PSMC3: variants seen among roughly 807,000 people sequenced by gnomAD.
PSMC3 encodes the protein proteasome 26S subunit, ATPase 3, also known as 26S proteasome regulatory subunit 6A.
In PSMC3, 11 loss-of-function variants were observed where a neutral mutation model predicts 52.0. The observed-to-expected ratio is 0.21, with a 90% confidence interval of 0.13 to 0.35. The LOEUF (loss-of-function observed/expected upper bound fraction) is 0.35, where lower values mean the gene tolerates loss of function less well. Ranked by LOEUF, PSMC3 falls within the 10% of genes least tolerant of loss-of-function variation. The pLI is 1.00. For synonymous variants in PSMC3, 201 were observed against 218.8 expected, an observed-to-expected ratio of 0.92 and a Z score of 0.72; for missense variants, 238 against 567.1, an observed-to-expected ratio of 0.42 and a Z score of 5.89.
At chr11:47,423,806 A>G (rs1346809975) in intron 6 of PSMC3, among the ~76,000 whole-genome samples, 2 of 133,726 alleles carry the variant, frequency 1.5e-5, no homozygotes, top group African/African-American at 2.7e-5. Flanking sequence ...AAAAAAAAAA[A>G]GGACACTGGG....
chr11:47,420,445 G>A (rs2096039100), intron 9 of PSMC3, 36 bp from the exon 10 acceptor site: 1 of 1,597,652 alleles, frequency 6.3e-7, no homozygotes, highest in Admixed American at 1.7e-5. Flanking sequence ...AAGGAGCAAG[G>A]TGTTCACAGA....
intron 11 of PSMC3, 36 bp downstream of exon 11, chr11:47,419,080 C>T (rs1185015556): frequency 3.7e-6 from 6 of 1,613,232 alleles, no homozygotes; most frequent in Non-Finnish European, 5.1e-6. Context: ...GGCAAGAAGG[C>T]ACAAAGCAAC....
rs1435974402 is a variant in PSMC3, at chr11:47,426,185, C to G, written c.75+20G>C. ...CCTGCGGGCCCCGGTTCCCGGACCG[C>G]CAGCTCGCCCGGTGCCCACCTCGGC... On this transcript the variant is annotated intron_variant, in intron 1 of 11. Coordinates refer to ENST00000298852, the MANE Select transcript of PSMC3 (RefSeq NM_002804.5). 2 of 1,553,764 alleles carry G rather than the reference C, an allele frequency of 1.3e-6. No homozygotes were observed. The highest frequency in any genetic ancestry group is 1.7e-6 in the Non-Finnish European group (2 of 1,149,252).
Position 47,424,681 on chromosome 11 carries a change from C to T in PSMC3, c.316G>A (p.Glu106Lys), listed in dbSNP as rs1199279072. The T allele has an allele frequency of 6.2e-7, 1 of 1,613,944 alleles. No homozygotes were observed. Among genetic ancestry groups the T allele is most frequent in the African/African-American group, 1.3e-5 (1 of 75,032 alleles). ...LLDVDPNDQEEDGANIDLDSQ... is the reference protein window; with the variant it reads ...LLDVDPNDQEKDGANIDLDSQ... ...TCCAGGTCAATATTGGCACCATCCTCCTCTTGGTCATTAGGATCAACATCC... is the reference window on the plus strand; with the variant it reads ...TCCAGGTCAATATTGGCACCATCCTTCTCTTGGTCATTAGGATCAACATCC... Residue 106 changes from glutamate to lysine, a missense_variant, in exon 4 of 12, where the codon GAG becomes AAG. Glu to Lys is a moderately conservative substitution (Grantham distance 56). This residue lies in a region of PSMC3 where 21 missense variants were observed against 95.6 expected (regional missense o/e 0.22). Transcript: ENST00000298852. This position sits in a 1 kb window ranked among gnomAD's most constrained non-coding sequence, Gnocchi z 4.8.
At chr11:47,420,242 C>T in intron 10 of PSMC3, 22 bp downstream of exon 10, 1 of 1,613,244 alleles carries the variant, frequency 6.2e-7, no homozygotes, top group Non-Finnish European at 8.5e-7. Context: ...GGTCTCTGTG[C>T]CCTGCCCGTG....
chr11:47,419,911 C>G (rs2096038312), intron 10 of PSMC3, among the ~76,000 whole-genome samples: 1 of 151,664 alleles, frequency 6.6e-6, no homozygotes, highest in Non-Finnish European at 1.5e-5. Context: ...ATGCCACCTG[C>G]TGAGAGTCAT....
chr11:47,422,646 G>C lies in PSMC3; in HGVS notation c.812C>G (p.Ala271Gly). ...IGDGAKLVRD[A>G]FALAKEKAPS... ...CGCTTTCTCCTTGGCCAGGGCAAAG[G>C]CATCCCGGACTAGCTTGGCACCATC... is the stretch of plus-strand genomic sequence containing the variant. The change falls in exon 8 of 12, where the codon GCC (alanine) becomes GGC (glycine). Residue 271 changes from alanine to glycine, a missense_variant. Coordinates refer to ENST00000298852, the MANE Select transcript of PSMC3 (RefSeq NM_002804.5). This position sits in a 1 kb window ranked among gnomAD's most constrained non-coding sequence, Gnocchi z 4.3. 6.2e-7 allele frequency: 1 copy of C among 1,614,166 alleles called. No individual in the cohort carries two copies. Among genetic ancestry groups the C allele is most frequent in the Non-Finnish European group, 8.5e-7 (1 of 1,180,030 alleles).
chr11:47,419,129 A>T lies in PSMC3; in HGVS notation c.1196T>A (p.Val399Glu). Reference protein sequence around the residue: ...DDFNGAQCKAVCVEAGMIALR... With the variant: ...DDFNGAQCKAECVEAGMIALR... ...CTGACCACTCACCGCCTCCACACACACAGCCTTGCACTGGGCCCCATTGAA... is the reference window on the plus strand; with the variant it reads ...CTGACCACTCACCGCCTCCACACACTCAGCCTTGCACTGGGCCCCATTGAA... The change falls in exon 11 of 12, where the codon GTG becomes GAG. Residue 399 changes from valine (V) to glutamate (E), a missense_variant. By Grantham distance (121) the Val-to-Glu change is moderately radical. This residue lies in a region of PSMC3 where 23 missense variants were observed against 64.6 expected (regional missense o/e 0.36). Transcript: ENST00000298852. 6.2e-7 allele frequency: 1 copy of T among 1,614,110 alleles called. No individual in the cohort carries two copies. Among genetic ancestry groups the T allele is most frequent in the Non-Finnish European group, 8.5e-7 (1 of 1,180,012 alleles).
At chr11:47,420,809 C>A (rs561255880) in intron 8 of PSMC3, 82 bp from the exon 9 acceptor site, 1 of 1,273,346 alleles carries the variant, frequency 7.9e-7, no homozygotes, top group East Asian at 2.5e-5. Flanking sequence ...GGAAGCCTAA[C>A]CTAACCCGTC....
chr11:47,425,713 G>A (rs960873195), intron 2 of PSMC3, 154 bp downstream of exon 2: 2 of 644,420 alleles, frequency 3.1e-6, no homozygotes, highest in Non-Finnish European at 5.4e-6. Context: ...CCCTTTTAAG[G>A]CTTAGTTTTC....
chr11:47,424,226 G>A lies in PSMC3; in HGVS notation c.454-43C>T, dbSNP rs1264726474. 1.2e-5 allele frequency: 20 copies of A among 1,613,798 alleles called. No homozygotes were observed. The highest frequency in any genetic ancestry group is 1.5e-5 in the Non-Finnish European group (18 of 1,179,814). On this transcript the variant is annotated intron_variant, in intron 5 of 11. Coordinates refer to ENST00000298852, the MANE Select transcript of PSMC3 (RefSeq NM_002804.5). This position sits in a 1 kb window ranked among gnomAD's most constrained non-coding sequence, Gnocchi z 4.8. ...GGCCTTCAGATTTGGCCCAGCTCAA[G>A]GGCTACCCAACTGACTGGGTGACAG... is the stretch of plus-strand genomic sequence containing the variant.
rs770514662 is a variant in PSMC3, at chr11:47,422,860, G to A, written c.705C>T (p.Leu235=). 4.3e-6 allele frequency: 7 copies of A among 1,612,910 alleles called. No homozygotes were observed. The highest frequency in any genetic ancestry group is 5.9e-6 in the Non-Finnish European group (7 of 1,179,372). ...MYGPPGTGKT[L]LARACAAQTK... ...TCTGTGCGGCACAGGCCCGGGCCAGGAGGGTCTTCCCCGTCCCTGGGGGCC... is the reference window on the plus strand; with the variant it reads ...TCTGTGCGGCACAGGCCCGGGCCAGAAGGGTCTTCCCCGTCCCTGGGGGCC... The change falls in exon 7 of 12, where the codon CTC becomes CTT. Residue 235 remains leucine (L), a synonymous_variant. Transcript: ENST00000298852. This position sits in a 1 kb window ranked among gnomAD's most constrained non-coding sequence, Gnocchi z 4.3.
In PSMC3 at chr11:47,422,071, T is replaced by G. The variant is rs2096041295; in HGVS notation, c.884+503A>C. ...TTCTTTTTTTTTTTTTGAGACAGAG[T>G]CTCACTCTTTCACCAGGCTGGAGTG... is the stretch of plus-strand genomic sequence containing the variant. On this transcript the variant is annotated intron_variant, in intron 8 of 11. Transcript: ENST00000298852. This position sits in a 1 kb window ranked among gnomAD's most constrained non-coding sequence, Gnocchi z 4.3. Among the ~76,000 whole-genome samples, 1 of 149,208 alleles carries G rather than the reference T, an allele frequency of 6.7e-6. No homozygotes were observed. Among genetic ancestry groups the G allele is most frequent in the African/African-American group, 2.5e-5 (1 of 40,248 alleles).
rs1299178872 is a variant in PSMC3 at position 47,425,125 on chromosome 11, A to G, written c.281T>C (p.Ile94Thr). The change falls in exon 3 of 12, where the codon ATC (isoleucine) becomes ACC (threonine). Residue 94 changes from isoleucine to threonine, a missense_variant. By Grantham distance (89) the Ile-to-Thr change is moderately conservative. Transcript: ENST00000298852. The stretch of plus-strand genomic sequence containing the variant: ...CCCCTCCACATACACACACACCTCG[A>G]TGACGTTGGAGACAAGGTACGGCAG... ...KTLPYLVSNV[I>T]ELLDVDPNDQ... The G allele has an allele frequency of 6.2e-7, 1 of 1,614,066 alleles. No homozygotes were observed. The highest frequency in any genetic ancestry group is 8.5e-7 in the Non-Finnish European group (1 of 1,180,012).
At chr11:47,425,820 C>T (rs879192242) in intron 2 of PSMC3, 47 bp downstream of exon 2, 1 of 1,548,600 alleles carries the variant, frequency 6.5e-7, no homozygotes, top group Non-Finnish European at 8.8e-7. Context: ...ATCGCCGGGG[C>T]CTGTCCTGTG....
intron 2 of PSMC3, 165 bp downstream of exon 2, chr11:47,425,702 T>C: frequency 3.3e-6 from 2 of 611,722 alleles, no homozygotes; most frequent in South Asian, 4.5e-5. Context: ...TGTCTTCTTG[T>C]CCCTTTTAAG....
At position 47,422,770 on chromosome 11, in the gene PSMC3, C is replaced by A. The variant is rs2096042118; in HGVS notation, c.736-48G>T. ...TCAGGTCAAAGGCAGACCCTTTGAG[C>A]CCATCTGGTAGAGTTTCTGCTCCTG... On this transcript the variant is annotated intron_variant, in intron 7 of 11. Coordinates refer to ENST00000298852, the MANE Select transcript of PSMC3 (RefSeq NM_002804.5). The surrounding 1 kb of genome is among the most constrained non-coding windows in gnomAD (Gnocchi z 4.3). The A allele has an allele frequency of 6.2e-7, 1 of 1,609,994 alleles. No individual in the cohort carries two copies. The highest frequency in any genetic ancestry group is 1.3e-5 in the African/African-American group (1 of 74,938).
intron 10 of PSMC3, 24 bp from the exon 11 acceptor site, chr11:47,419,221 G>T: frequency 6.2e-7 from 1 of 1,612,788 alleles, no homozygotes; most frequent in Non-Finnish European, 8.5e-7. Flanking sequence ...AGATACCACA[G>T]GCTCAGTGGC....
chr11:47,425,562 C>A lies in PSMC3; in HGVS notation c.159+305G>T, dbSNP rs540582722. Reference sequence around the variant, plus strand: ...TATCGCAGTACAAACCTCTCTGGGCCTGTCTCCTCATCTGTAAAATAGGCA... The same window carrying A: ...TATCGCAGTACAAACCTCTCTGGGCATGTCTCCTCATCTGTAAAATAGGCA... On this transcript the variant is annotated intron_variant, in intron 2 of 11. Transcript: ENST00000298852. The A allele has an allele frequency of 1.7e-4, 93 of 540,224 alleles. 1 individual carries two copies. In the East Asian group the frequency reaches 2.4e-3, roughly 14 times the overall value. The allele number at this position is 540,224 out of a possible 1,614,324, so 33.5% of individuals were successfully genotyped here.
Sources: allele counts gnomAD v4.1 joint callset (sites outside exome capture counted in the v4.1 genomes callset), GRCh38; gene constraint gnomAD v4.1.1; regional missense constraint gnomAD v4.1.1; non-coding constraint Gnocchi (gnomAD v3.1); transcripts MANE v1.5; gene names NCBI Gene and HGNC (gene_info 2026-07-23, HGNC 2026-07-21).